SPATC1: variants seen among roughly 807,000 people sequenced by gnomAD.
The protein encoded by SPATC1 is spermatogenesis and centriole associated 1, also known as speriolin.
In SPATC1, 35 loss-of-function variants were observed where a neutral mutation model predicts 36.5. The observed-to-expected ratio is 0.96, with a 90% CI of 0.73 to 1.27. SPATC1 has a LOEUF of 1.27. SPATC1 is among the 50% of genes most tolerant of loss of function. The pLI is 0.00. For missense variants in SPATC1, 779 were observed against 796.0 expected, an observed-to-expected ratio of 0.98 and a Z score of 0.26; for synonymous variants, 361 against 353.6, an observed-to-expected ratio of 1.02 and a Z score of -0.24.
rs782796535 is a variant in SPATC1 at position 144,041,368 on chromosome 8, C to G, written c.1443C>G (p.Ile481Met). ...TCTCCAACATCCCAGAGAAGATCATCCAGGTGTGCGGCCAGGGGTCCTGCA... is the reference window on the plus strand; with the variant it reads ...TCTCCAACATCCCAGAGAAGATCATGCAGGTGTGCGGCCAGGGGTCCTGCA... Reference protein sequence around the residue: ...FTVSNIPEKIIQASLNPSDHK... With the variant: ...FTVSNIPEKIMQASLNPSDHK... Residue 481 changes from isoleucine (I) to methionine (M), a missense_variant, in exon 4 of 5, where the codon ATC (isoleucine) becomes ATG (methionine). By Grantham distance (10) the Ile-to-Met change is conservative. Transcript: ENST00000377470. 16 of 1,608,280 alleles carry G rather than the reference C, an allele frequency of 9.9e-6. No individual in the cohort carries two copies. The Admixed American group carries it at 2.0e-4, about 20-fold the overall frequency.
intron 1 of SPATC1, among the ~76,000 whole-genome samples, chr8:144,031,469 T>TA (rs1834794659): frequency 6.7e-6 from 1 of 148,498 alleles, no homozygotes; most frequent in South Asian, 2.1e-4. Flanking sequence ...TTTTTTTTTT[T>TA]AGAGAGATAG....
intron 1 of SPATC1, among the ~76,000 whole-genome samples, chr8:144,030,868 G>A (rs1322670064): frequency 6.6e-6 from 1 of 151,914 alleles, no homozygotes; most frequent in South Asian, 2.1e-4. Flanking sequence ...CAAATTAATA[G>A]CAACTTAGCT....
At chr8:144,025,587 C>A (rs889834121) in intron 1 of SPATC1, among the ~76,000 whole-genome samples, 1 of 152,254 alleles carries the variant, frequency 6.6e-6, no homozygotes, top group African/African-American at 2.4e-5. Flanking sequence ...TATCATGCGA[C>A]GGGACTGAAA....
intron 4 of SPATC1, among the ~76,000 whole-genome samples, chr8:144,044,074 A>G (rs1364835025): frequency 6.6e-6 from 1 of 151,210 alleles, no homozygotes; most frequent in African/African-American, 2.4e-5. Flanking sequence ...GCACTCACTC[A>G]CTCCTGACTA....
Position 144,031,776 on chromosome 8 carries a change from C to T in SPATC1, c.212-8133C>T, listed in dbSNP as rs1395359192. Among the ~76,000 whole-genome samples, 19 of 142,282 alleles carry T rather than the reference C, an allele frequency of 1.3e-4. No individual in the cohort carries two copies. In the East Asian group the frequency reaches 1.8e-3, roughly 14 times the overall value. 93.3% of individuals were successfully genotyped at this position (142,282 alleles called of 152,430 possible). On this transcript the variant is annotated intron_variant, in intron 1 of 4. Transcript: ENST00000377470. The stretch of plus-strand genomic sequence containing the variant: ...TCTCACTCTGTCACCCATCATGTAG[C>T]GGCATGATCTTGGCTCACTGCAGCC...
At chr8:144,041,670 C>T (rs930821587) in intron 4 of SPATC1, among the ~76,000 whole-genome samples, 9 of 152,126 alleles carry the variant, frequency 5.9e-5, no homozygotes, top group Admixed American at 1.3e-4. Context: ...GCCAGCATGC[C>T]GGAGTGTGCG....
In SPATC1 at chr8:144,031,200, G is replaced by A. The variant is rs1044206476; in HGVS notation, c.212-8709G>A. On this transcript the variant is annotated intron_variant, in intron 1 of 4. Transcript: ENST00000377470. The stretch of plus-strand genomic sequence containing the variant: ...TCCCTTTAGCATTTCTTGTGGGCAG[G>A]TCTACTGGCAATAAATCCCCTCAGC... Among the ~76,000 whole-genome samples, 541 of 152,176 alleles carry A rather than the reference G, an allele frequency of 3.6e-3. 3 individuals are homozygous for A. Among genetic ancestry groups the A allele is most frequent in the African/African-American group, 0.012 (513 of 41,508 alleles).
rs994903572 is a variant in SPATC1 at position 144,028,753 on chromosome 8, G to A, written c.212-11156G>A. On this transcript the variant is annotated intron_variant, in intron 1 of 4. Coordinates refer to ENST00000377470, the MANE Select transcript of SPATC1 (RefSeq NM_198572.3). ...ATTCTATTATGAAGAATTCATGCAC[G>A]TGTATATTCATTGCAGCACTATTCA... 3.1e-3 allele frequency among the ~76,000 whole-genome samples: 473 copies of A among 152,284 alleles called. 2 individuals are homozygous for A. Among genetic ancestry groups the A allele is most frequent in the South Asian group, 0.012 (59 of 4,834 alleles).
intron 1 of SPATC1, among the ~76,000 whole-genome samples, chr8:144,031,738 T>TC (rs1834801835): frequency 6.7e-6 from 1 of 150,216 alleles, no homozygotes; most frequent in Admixed American, 6.6e-5. Flanking sequence ...TTTTTTTTTT[T>TC]CTGAAGACAG....
Position 144,046,719 on chromosome 8 carries a change from T to C in SPATC1, c.1539T>C (p.Ser513=). ...TGAGCGTCATGAACAGGCTGCAGAG[T>C]CTGGGCTACAACGGGCGGGTGCACC... ...RYVSVMNRLQ[S]LGYNGRVHPA... The change falls in exon 5 of 5, where the codon AGT becomes AGC. Residue 513 remains serine (S), a synonymous_variant. Coordinates refer to ENST00000377470, the MANE Select transcript of SPATC1 (RefSeq NM_198572.3). This position sits in a 1 kb window ranked among gnomAD's most constrained non-coding sequence, Gnocchi z 6.6. The C allele has an allele frequency of 6.2e-7, 1 of 1,612,214 alleles. No homozygotes were observed.
rs1564279067 is a variant in SPATC1, at chr8:144,040,800, C to G, written c.999C>G (p.Thr333=). 6.5e-7 allele frequency: 1 copy of G among 1,544,716 alleles called. No homozygotes were observed. Among genetic ancestry groups the G allele is most frequent in the Non-Finnish European group, 8.7e-7 (1 of 1,145,786 alleles). Residue 333 remains threonine (T), a synonymous_variant, in exon 3 of 5, where the codon ACC becomes ACG. Transcript: ENST00000377470. ...PTSPTTSPTV[T]VLASAPALAP... ...CCCCCACCACCTCCCCCACGGTCACCGTCCTTGCCTCTGCCCCCGCCCTTG... is the reference window on the plus strand; with the variant it reads ...CCCCCACCACCTCCCCCACGGTCACGGTCCTTGCCTCTGCCCCCGCCCTTG...
Position 144,040,477 on chromosome 8 carries a change from T to G in SPATC1, c.766+14T>G. On this transcript the variant is annotated intron_variant, in intron 2 of 4. Transcript: ENST00000377470. Reference sequence around the variant, plus strand: ...CCACCACCAAAGGTAACAGGTGTGGTGGGTGGTGGGTGGCAGAGTGGGGGG... The same window carrying G: ...CCACCACCAAAGGTAACAGGTGTGGGGGGTGGTGGGTGGCAGAGTGGGGGG... The G allele has an allele frequency of 1.3e-6, 2 of 1,573,072 alleles. No homozygotes were observed. Among genetic ancestry groups the G allele is most frequent in the Non-Finnish European group, 1.7e-6 (2 of 1,159,884 alleles).
Position 144,041,257 on chromosome 8 carries a change from G to C in SPATC1, c.1332G>C (p.Arg444Ser), listed in dbSNP as rs781924624. 1.2e-6 allele frequency: 2 copies of C among 1,613,110 alleles called. No individual in the cohort carries two copies. The highest frequency in any genetic ancestry group is 8.5e-7 in the Non-Finnish European group (1 of 1,179,982). ...PRESKQLAWERLVGEIAFQLD... is the reference protein window; with the variant it reads ...PRESKQLAWESLVGEIAFQLD... ...AGTCGAAGCAGCTGGCCTGGGAGAGGCTGGTGGGTGAGATTGCCTTCCAGC... is the reference window on the plus strand; with the variant it reads ...AGTCGAAGCAGCTGGCCTGGGAGAGCCTGGTGGGTGAGATTGCCTTCCAGC... The change falls in exon 4 of 5, where the codon AGG (arginine) becomes AGC (serine). Residue 444 changes from arginine to serine, a missense_variant. By Grantham distance (110) the Arg-to-Ser change is moderately radical (BLOSUM62 -1). Transcript: ENST00000377470.
intron 1 of SPATC1, among the ~76,000 whole-genome samples, chr8:144,018,896 A>AAG (rs1486449616): frequency 6.7e-6 from 1 of 148,474 alleles, no homozygotes. Flanking sequence ...AAAAAAAAAA[A>AAG]GCAGGCATGG....
chr8:144,012,419 C>T lies in SPATC1; in HGVS notation c.-97C>T. The T allele has an allele frequency of 3.7e-6, 4 of 1,095,822 alleles. No homozygotes were observed. In the Admixed American group the frequency reaches 8.5e-5, roughly 23 times the overall value. 67.9% of individuals were successfully genotyped at this position (1,095,822 alleles called of 1,614,324 possible). ...GCCCACTGGGCCAGCCTTGCAGACT[C>T]TGCACCCTCCTTCAGCCCAGGCAAG... is the stretch of plus-strand genomic sequence containing the variant. On this transcript the variant is annotated 5_prime_UTR_variant, in exon 1 of 5. Transcript: ENST00000377470.
chr8:144,036,078 C>T (rs963984832), intron 1 of SPATC1, among the ~76,000 whole-genome samples: 6 of 152,194 alleles, frequency 3.9e-5, no homozygotes, highest in Non-Finnish European at 5.9e-5. Context: ...TCTCCTGGGT[C>T]CTAAAACAAA....
intron 4 of SPATC1, among the ~76,000 whole-genome samples, chr8:144,042,388 C>T (rs1304357920): frequency 1.5e-5 from 2 of 131,892 alleles, no homozygotes; most frequent in African/African-American, 5.8e-5. Context: ...GGTGCGATCT[C>T]GGATCACCAC....
At chr8:144,020,254 A>T (rs1834481135) in intron 1 of SPATC1, among the ~76,000 whole-genome samples, 2 of 138,580 alleles carry the variant, frequency 1.4e-5, no homozygotes, top group Admixed American at 7.1e-5. Flanking sequence ...TCTTCCCTGA[A>T]GACCCTCTCC....
chr8:144,023,098 C>G (rs1420388195), intron 1 of SPATC1, among the ~76,000 whole-genome samples: 5 of 145,766 alleles, frequency 3.4e-5, no homozygotes, highest in Non-Finnish European at 7.6e-5. Context: ...TCAGGACCCT[C>G]TTCTCTCAGG....
Sources: gnomAD v4.1 joint callset for allele counts (sites outside exome capture counted in the v4.1 genomes callset) on GRCh38, gnomAD v4.1.1 for gene constraint, Gnocchi (gnomAD v3.1) non-coding constraint, MANE v1.5 for transcripts, NCBI Gene and HGNC (gene_info 2026-07-23, HGNC 2026-07-21) for gene names.